Variants in MTF2 observed in about 807,000 individuals in gnomAD.
The protein encoded by MTF2 is metal-response element-binding transcription factor 2.
MTF2 carries 11 observed loss-of-function variants against 79.5 expected under a neutral mutation model. The ratio of observed to expected loss-of-function variants is 0.14; its 90% confidence interval spans 0.09 to 0.23. The LOEUF (loss-of-function observed/expected upper bound fraction) is 0.23, where lower values mean the gene tolerates loss of function less well. Among genes scored for constraint, MTF2 ranks in the 10% least tolerant of loss-of-function variants. The pLI is 1.00. For synonymous variants in MTF2, 208 were observed against 232.8 expected (o/e 0.89, Z 0.97); for missense variants, 486 against 711.2 (o/e 0.68, Z 3.60).
In MTF2 at chr1:93,136,753, T is replaced by C; in HGVS notation, c.1508T>C (p.Leu503Pro). 1 of 1,614,176 alleles carries C rather than the reference T, an allele frequency of 6.2e-7. No homozygotes were observed. The highest frequency in any genetic ancestry group is 8.5e-7 in the Non-Finnish European group (1 of 1,180,032). ...CATTTGCGGAGAAGAAGAGGTCGTC[T>C]TCCAAGAAGAGCACTCCAGACTCAG... ...IPHLRRRRGR[L>P]PRRALQTQNS... is the part of the protein sequence containing the mutation. Residue 503 changes from leucine to proline, a missense_variant, in exon 15 of 15, where the codon CTT (leucine) becomes CCT (proline). Physicochemically the swap from Leu to Pro is moderately conservative, Grantham distance 98. Transcript: ENST00000370298.
At chr1:93,101,568 GTTTTTTTTTTTTTTTT>G (rs71586778) in intron 1 of MTF2, among the ~76,000 whole-genome samples, 5 of 25,400 alleles carry the variant, frequency 2.0e-4, no homozygotes, top group African/African-American at 4.6e-4. Context: ...GCTCAGGCTG[GTTTTTTTTTTTTTTTT>G]TTTTTTTTTT....
intron 1 of MTF2, among the ~76,000 whole-genome samples, chr1:93,096,925 C>T (rs1655315581): frequency 6.6e-6 from 1 of 151,352 alleles, no homozygotes; most frequent in African/African-American, 2.4e-5. Flanking sequence ...ATCCTCCTGC[C>T]TCAGCCTCCT....
At chr1:93,124,706 A>C (rs754207793) in intron 9 of MTF2, among the ~76,000 whole-genome samples, 8 of 152,052 alleles carry the variant, frequency 5.3e-5, no homozygotes, top group Non-Finnish European at 1.0e-4. Context: ...GGTGGTTAGC[A>C]ACAAATTACC....
Position 93,101,568 on chromosome 1 carries a change from GTTTTTTTT to G in MTF2, c.6-8640_6-8633del, listed in dbSNP as rs71586778. Among the ~76,000 whole-genome samples, 196 of 25,408 alleles carry G rather than the reference GTTTTTTTT, an allele frequency of 7.7e-3. 2 individuals are homozygous for G. Among genetic ancestry groups the G allele is most frequent in the South Asian group, 0.018 (5 of 278 alleles). The allele number at this position is 25,408 out of a possible 152,430, so 16.7% of individuals were successfully genotyped here. A position where few individuals can be genotyped will look rare whatever the true frequency, so the allele number is the denominator to read the frequency against. ...TGGTCTTGCCATGTTGCTCAGGCTGGTTTTTTTTTTTTTTTTTTTTTTTTTTTTTGAGA... is the reference window on the plus strand; with the variant it reads ...TGGTCTTGCCATGTTGCTCAGGCTGGTTTTTTTTTTTTTTTTTTTTTGAGA... On this transcript the variant is annotated intron_variant, in intron 1 of 14. Coordinates refer to ENST00000370298, the MANE Select transcript of MTF2 (RefSeq NM_007358.4).
chr1:93,127,442 G>C, intron 10 of MTF2, 143 bp downstream of exon 10: 1 of 561,530 alleles, frequency 1.8e-6, no homozygotes, highest in South Asian at 2.6e-5. Context: ...TTCTATTTTA[G>C]TTAGATTAAA....
intron 10 of MTF2, among the ~76,000 whole-genome samples, chr1:93,128,571 AAAATT>A (rs1656795009): frequency 6.6e-6 from 1 of 151,538 alleles, no homozygotes; most frequent in African/African-American, 2.4e-5. Flanking sequence ...AAAAAAAAAA[AAAATT>A]AAAAAGAGAG....
At chr1:93,083,066 A>G (rs887689273) in intron 1 of MTF2, among the ~76,000 whole-genome samples, 3 of 152,226 alleles carry the variant, frequency 2.0e-5, no homozygotes, top group Admixed American at 6.5e-5. Flanking sequence ...AAAGAAAATA[A>G]TTTTGATCGG....
At position 93,129,209 on chromosome 1, in the gene MTF2, T is replaced by A. The variant is rs77663296; in HGVS notation, c.990-69T>A. On this transcript the variant is annotated intron_variant, in intron 10 of 14. Transcript: ENST00000370298. ...AGTATAAGGGCCTTATATATGAAAG[T>A]TAAGTTAGGGTCTACTATGTATATG... The A allele has an allele frequency of 5.7e-4, 639 of 1,128,364 alleles. 6 individuals are homozygous for A. In the East Asian group the frequency reaches 0.016, roughly 29 times the overall value. The allele number at this position is 1,128,364 out of a possible 1,614,324, so 69.9% of individuals were successfully genotyped here.
chr1:93,117,311 GAGGAT>G (rs1036878122), intron 6 of MTF2, among the ~76,000 whole-genome samples: 11 of 152,192 alleles, frequency 7.2e-5, no homozygotes, highest in African/African-American at 2.7e-4. Flanking sequence ...GCTGAGGTGG[GAGGAT>G]CCTTTGAACC....
chr1:93,120,395 T>C, intron 8 of MTF2, 154 bp from the exon 9 acceptor site: 1 of 565,746 alleles, frequency 1.8e-6, no homozygotes, highest in South Asian at 3.4e-5. Context: ...ATTTTCTAGT[T>C]ATTTTTATGT....
At chr1:93,125,387 A>G (rs1656654778) in intron 9 of MTF2, among the ~76,000 whole-genome samples, 1 of 150,810 alleles carries the variant, frequency 6.6e-6, no homozygotes, top group Non-Finnish European at 1.5e-5. Context: ...CAGATGAGAT[A>G]TTAAAATGTG....
At chr1:93,136,324 T>A (rs905776938) in intron 14 of MTF2, among the ~76,000 whole-genome samples, 13 of 152,372 alleles carry the variant, frequency 8.5e-5, no homozygotes, top group African/African-American at 3.1e-4. Context: ...AACAAATGAA[T>A]GAGCTCTTTT....
intron 1 of MTF2, among the ~76,000 whole-genome samples, chr1:93,100,193 G>A (rs1190889045): frequency 6.6e-6 from 1 of 152,134 alleles, no homozygotes; most frequent in Non-Finnish European, 1.5e-5. Flanking sequence ...GAGTAAGACT[G>A]GAATATTAGA....
Position 93,136,875 on chromosome 1 carries a change from C to A in MTF2, c.1630C>A (p.Gln544Lys), listed in dbSNP as rs1406020444. 1 of 1,614,100 alleles carries A rather than the reference C, an allele frequency of 6.2e-7. No homozygotes were observed. Among genetic ancestry groups the A allele is most frequent in the East Asian group, 2.2e-5 (1 of 44,884 alleles). ...GAATAACTTAGCAGATCAGGAGTTA[C>A]AACTCAATCATCTAAAGAACTCCAT... ...ILNNLADQEL[Q>K]LNHLKNSITS... The change falls in exon 15 of 15, where the codon CAA (glutamine) becomes AAA (lysine). Residue 544 changes from glutamine (Q) to lysine (K), a missense_variant. Transcript: ENST00000370298.
At chr1:93,124,586 A>T (rs1656616125) in intron 9 of MTF2, among the ~76,000 whole-genome samples, 1 of 152,050 alleles carries the variant, frequency 6.6e-6, no homozygotes, top group African/African-American at 2.4e-5. Flanking sequence ...TAGAAATGAT[A>T]CTAGAGGAAA....
At chr1:93,090,664 G>GTTT (rs373876716) in intron 1 of MTF2, among the ~76,000 whole-genome samples, 9 of 139,158 alleles carry the variant, frequency 6.5e-5, no homozygotes, top group Non-Finnish European at 1.1e-4. Context: ...ATTTTTCCTA[G>GTTT]TTTTTTTTTT....
chr1:93,129,893 C>T (rs1036312447), intron 11 of MTF2, among the ~76,000 whole-genome samples: 1 of 152,144 alleles, frequency 6.6e-6, no homozygotes, highest in Admixed American at 6.5e-5. Context: ...AAAATAGTTA[C>T]AGATTATGCT....
Position 93,133,970 on chromosome 1 carries a change from T to A in MTF2, c.1309T>A (p.Cys437Ser). 6.3e-7 allele frequency: 1 copy of A among 1,578,228 alleles called. No individual in the cohort carries two copies. The highest frequency in any genetic ancestry group is 8.7e-7 in the Non-Finnish European group (1 of 1,152,282). The stretch of plus-strand genomic sequence containing the variant: ...AGAGAATCCTACTTTGGATTTACCT[T>A]GTTCTATAGGGTAAATAGAAAGTTA... ...ISENPTLDLP[C>S]SIGRTEGTAH... The change falls in exon 13 of 15, where the codon TGT (cysteine) becomes AGT (serine). Residue 437 changes from cysteine (C) to serine (S), a missense_variant. Physicochemically the swap from Cys to Ser is moderately radical, Grantham distance 112. Transcript: ENST00000370298.
chr1:93,134,244 C>T, intron 14 of MTF2, 49 bp downstream of exon 14: 2 of 1,344,760 alleles, frequency 1.5e-6, no homozygotes, highest in Admixed American at 3.9e-5. Context: ...CTCTAGATTT[C>T]TTTTCTTTGT....
Sources: gnomAD v4.1 joint callset for allele counts (sites outside exome capture counted in the v4.1 genomes callset) on GRCh38, gnomAD v4.1.1 for gene constraint, MANE v1.5 for transcripts, NCBI Gene and HGNC (gene_info 2026-07-23, HGNC 2026-07-21) for gene names.